TSC2: variants seen among roughly 807,000 people sequenced by gnomAD.
TSC2 encodes the protein tuberin.
A neutral mutation model predicts 202.2 loss-of-function variants in TSC2; 29 were observed. The observed-to-expected ratio is 0.14, with a 90% CI of 0.11 to 0.20. The LOEUF (loss-of-function observed/expected upper bound fraction) is 0.20. Among genes scored for constraint, TSC2 ranks in the 10% least tolerant of loss-of-function variants. The pLI is 1.00. For synonymous variants in TSC2, 1,349 were observed against 1,044.0 expected (o/e 1.29, Z -5.63); for missense variants, 2,429 against 2,420.0 (o/e 1.00, Z -0.08).
chr16:2,055,683 G>A (rs772343248), intron 6 of TSC2, 164 bp downstream of exon 6: 2 of 692,862 alleles, frequency 2.9e-6, no homozygotes, highest in South Asian at 1.5e-5. Flanking sequence ...ACGAGGTCAG[G>A]AGTTCGAGAC....
At chr16:2,067,885 C>T (rs1398723668) in intron 16 of TSC2, among the ~76,000 whole-genome samples, 1 of 152,144 alleles carries the variant, frequency 6.6e-6, no homozygotes, top group African/African-American at 2.4e-5. Flanking sequence ...GGGCCTATGG[C>T]CTGGGAGAAC....
chr16:2,079,683 C>T lies in TSC2; in HGVS notation c.3397+14C>T. ...GTTCCATGTCGGGTGAGCCTTGGCC[C>T]CAGCCACCTCCACACAGGCACCGGG... is the stretch of plus-strand genomic sequence containing the variant. On this transcript the variant is annotated intron_variant, in intron 29 of 41. Transcript: ENST00000219476. This position sits in a 1 kb window ranked among gnomAD's most constrained non-coding sequence, Gnocchi z 4.6. The T allele has an allele frequency of 6.4e-7, 1 of 1,566,748 alleles. No individual in the cohort carries two copies.
In TSC2 at chr16:2,076,174, G is replaced by A. The variant is rs587781683; in HGVS notation, c.2742+4G>A. ...TTTTGTCCCTTTCATCACTAAGGTG[G>A]GCTCAGGGCCGGTGAAGGCTGTGTC... On this transcript the variant is annotated splice_donor_region_variant and intron_variant, in intron 24 of 41. Transcript: ENST00000219476. 1.4e-5 allele frequency: 22 copies of A among 1,613,456 alleles called. No homozygotes were observed. The highest frequency in any genetic ancestry group is 2.2e-5 in the East Asian group (1 of 44,884).
Position 2,088,897 on chromosome 16 carries a change from A to ACACC in TSC2, c.*289_*290insCCCA. ...TGCGCGCGCGCACACACACACACAC[A>ACACC]CAGTCACCTTCCTCCACCCTGGGAG... On this transcript the variant is annotated 3_prime_UTR_variant, in exon 42 of 42. Transcript: ENST00000219476. 2.3e-6 allele frequency: 1 copy of ACACC among 426,030 alleles called. No homozygotes were observed. Among genetic ancestry groups the ACACC allele is most frequent in the Non-Finnish European group, 4.3e-6 (1 of 231,104 alleles). The allele number at this position is 426,030 out of a possible 1,614,324, so 26.4% of individuals were successfully genotyped here.
At chr16:2,071,995 C>A (rs1313030036) in intron 19 of TSC2, 61 bp downstream of exon 19, 1 of 1,514,034 alleles carries the variant, frequency 6.6e-7, no homozygotes, top group South Asian at 1.2e-5. Flanking sequence ...AGGGAGCTGC[C>A]ACCTGCCTGC....
Position 2,048,581 on chromosome 16 carries a change from G to A in TSC2, c.-29-6G>A, listed in dbSNP as rs758425055. 3 of 1,613,380 alleles carry A rather than the reference G, an allele frequency of 1.9e-6. No individual in the cohort carries two copies. The East Asian group carries it at 6.7e-5, about 36-fold the overall frequency. On this transcript the variant is annotated splice_polypyrimidine_tract_variant and splice_region_variant and intron_variant, in intron 1 of 41. Transcript: ENST00000219476. Reference sequence around the variant, plus strand: ...AGATGTCCCCATTCCTGTTTCGTTTGCACAGAGGGGTTTTCTGGTGCGTCC... The same window carrying A: ...AGATGTCCCCATTCCTGTTTCGTTTACACAGAGGGGTTTTCTGGTGCGTCC...
chr16:2,065,665 C>G, intron 16 of TSC2, 30 bp downstream of exon 16: 1 of 1,591,886 alleles, frequency 6.3e-7, no homozygotes. Flanking sequence ...CCTCTGCTCC[C>G]GGGGCGCGCA....
Position 2,048,005 on chromosome 16 carries a change from G to A in TSC2, c.-90G>A. 6.7e-6 allele frequency: 10 copies of A among 1,490,400 alleles called. No homozygotes were observed. Among genetic ancestry groups the A allele is most frequent in the Non-Finnish European group, 8.9e-6 (10 of 1,123,308 alleles). The allele number at this position is 1,490,400 out of a possible 1,614,324, so 92.3% of individuals were successfully genotyped here. A position where few individuals can be genotyped will look rare whatever the true frequency, so the allele number is the denominator to read the frequency against. ...GTCGCGCTTCCGGCGGCGTCCCGGGGCCAGGGGGGTGCGCCTTTCTCCGCG... is the reference window on the plus strand; with the variant it reads ...GTCGCGCTTCCGGCGGCGTCCCGGGACCAGGGGGGTGCGCCTTTCTCCGCG... On this transcript the variant is annotated 5_prime_UTR_variant, in exon 1 of 42. Transcript: ENST00000219476.
intron 17 of TSC2, 98 bp downstream of exon 17, chr16:2,070,676 G>T: frequency 6.3e-7 from 1 of 1,575,184 alleles, no homozygotes. Context: ...GACGGCCCCA[G>T]GATGGGGCCT....
intron 4 of TSC2, 116 bp downstream of exon 4, chr16:2,053,568 G>A: frequency 1.9e-6 from 2 of 1,037,414 alleles, no homozygotes; most frequent in Middle Eastern, 4.0e-4. Context: ...CAGGGTCTAG[G>A]GGCTGATGGG....
At position 2,061,992 on chromosome 16, in the gene TSC2, G is replaced by C; in HGVS notation, c.1241G>C (p.Cys414Ser). The C allele has an allele frequency of 6.2e-7, 1 of 1,614,178 alleles. No homozygotes were observed. Among genetic ancestry groups the C allele is most frequent in the Non-Finnish European group, 8.5e-7 (1 of 1,180,040 alleles). Residue 414 changes from cysteine (C) to serine (S), a missense_variant, in exon 12 of 42, where the codon TGT becomes TCT. Physicochemically the swap from Cys to Ser is moderately radical, Grantham distance 112. Coordinates refer to ENST00000219476, the MANE Select transcript of TSC2 (RefSeq NM_000548.5). ...AGATACTTTGAACTGGTGGAGAGAT[G>C]TGCGGACCAGAGGCCTGTGAGACCC... The part of the protein sequence containing the change: ...QERYFELVER[C>S]ADQRPESSLL...
At position 2,088,304 on chromosome 16, in the gene TSC2, C is replaced by T. The variant is rs1060504084; in HGVS notation, c.5238C>T (p.His1746=). 6 of 1,612,690 alleles carry T rather than the reference C, an allele frequency of 3.7e-6. No individual in the cohort carries two copies. The Admixed American group carries it at 5.0e-5, about 13-fold the overall frequency. ...YPSKWIARLR[H]IKRLRQRICE... ...CCAAGTGGATTGCCCGGCTCCGCCA[C>T]ATCAAGCGGCTCCGCCAGCGGGTAG... is the stretch of plus-strand genomic sequence containing the variant. The change falls in exon 41 of 42, where the codon CAC becomes CAT. Residue 1746 remains histidine (H), a synonymous_variant. Coordinates refer to ENST00000219476, the MANE Select transcript of TSC2 (RefSeq NM_000548.5).
In TSC2 at chr16:2,088,882, C is replaced by CGCACAT. The variant is rs2091278095; in HGVS notation, c.*272_*273insGCACAT. On this transcript the variant is annotated 3_prime_UTR_variant, in exon 42 of 42. Transcript: ENST00000219476. ...CAGCACACTCGCGCGTGCGCGCGCGCACACACACACACACACAGTCACCTT... is the reference window on the plus strand; with the variant it reads ...CAGCACACTCGCGCGTGCGCGCGCGCGCACATACACACACACACACACAGTCACCTT... The CGCACAT allele has an allele frequency of 4.6e-6, 1 of 215,770 alleles. No homozygotes were observed. The highest frequency in any genetic ancestry group is 7.7e-5 in the Admixed American group (1 of 12,942). 13.4% of individuals were successfully genotyped at this position (215,770 alleles called of 1,614,324 possible).
At chr16:2,088,005 C>T (rs373469231) in intron 39 of TSC2, 43 bp from the exon 40 acceptor site, 74 of 1,610,354 alleles carry the variant, frequency 4.6e-5, no homozygotes, top group African/African-American at 9.4e-5. Flanking sequence ...TGCAGTGTGG[C>T]GCCAAGAGCC....
rs1596267731 is a variant in TSC2 at position 2,054,903 on chromosome 16, T to C, written c.481+463T>C. ...TAGAGAAAGAGGAGGAAGAGATCGGTCTGACTCTGGCTTTGCTGTTCTGTC... is the reference window on the plus strand; with the variant it reads ...TAGAGAAAGAGGAGGAAGAGATCGGCCTGACTCTGGCTTTGCTGTTCTGTC... On this transcript the variant is annotated intron_variant, in intron 5 of 41. Coordinates refer to ENST00000219476, the MANE Select transcript of TSC2 (RefSeq NM_000548.5). 1.5e-5 allele frequency: 5 copies of C among 331,452 alleles called. No individual in the cohort carries two copies. The East Asian group carries it at 3.2e-4, about 21-fold the overall frequency. The allele number at this position is 331,452 out of a possible 1,614,324, so 20.5% of individuals were successfully genotyped here.
At chr16:2,064,182 C>T (rs1020989742) in intron 14 of TSC2, 90 bp from the exon 15 acceptor site, 1 of 1,598,866 alleles carries the variant, frequency 6.3e-7, no homozygotes. Flanking sequence ...ATGTCCGCTG[C>T]TTGCGGGTCG....
At chr16:2,048,820 C>G (rs2084701316) in intron 2 of TSC2, 67 bp downstream of exon 2, 1 of 1,609,566 alleles carries the variant, frequency 6.2e-7, no homozygotes, top group Non-Finnish European at 8.5e-7. Context: ...TTTGGTCTTG[C>G]ACCAGGTTCT....
At chr16:2,071,166 G>T (rs2088297867) in intron 17 of TSC2, among the ~76,000 whole-genome samples, 1 of 152,246 alleles carries the variant, frequency 6.6e-6, no homozygotes, top group Admixed American at 6.5e-5. Flanking sequence ...GGAAGAAGTG[G>T]CAGGGCTGGG....
At chr16:2,083,893 C>T (rs376409294) in intron 33 of TSC2, 77 bp downstream of exon 33, 6 of 1,532,960 alleles carry the variant, frequency 3.9e-6, no homozygotes, top group Admixed American at 4.1e-5. Context: ...CGTGGGTGTG[C>T]CTGCACCCTG....
Sources: gnomAD v4.1 joint callset for allele counts (sites outside exome capture counted in the v4.1 genomes callset) on GRCh38, gnomAD v4.1.1 for gene constraint, Gnocchi (gnomAD v3.1) non-coding constraint, MANE v1.5 for transcripts, NCBI Gene and HGNC (gene_info 2026-07-23, HGNC 2026-07-21) for gene names.